Variants in NEDD4L observed in about 807,000 individuals in gnomAD.
The protein encoded by NEDD4L is E3 ubiquitin-protein ligase NEDD4-like.
NEDD4L carries 54 observed loss-of-function variants against 148.9 expected under a neutral mutation model. The ratio of observed to expected loss-of-function variants is 0.36; its 90% confidence interval spans 0.29 to 0.45. The LOEUF is 0.45. Among genes scored for constraint, NEDD4L ranks in the 20% least tolerant of loss-of-function variants. The pLI, the probability that NEDD4L is intolerant of heterozygous loss-of-function variation, is 1.00. For missense variants in NEDD4L, 856 were observed against 1,233.8 expected, an observed-to-expected ratio of 0.69 and a Z score of 4.59; for synonymous variants, 433 against 440.7, an observed-to-expected ratio of 0.98 and a Z score of 0.22.
intron 20 of NEDD4L, among the ~76,000 whole-genome samples, chr18:58,365,397 C>A (rs905819099): frequency 6.6e-6 from 1 of 152,194 alleles, no homozygotes; most frequent in African/African-American, 2.4e-5. Context: ...CCAGACCAAG[C>A]CTGGACCGCC....
intron 1 of NEDD4L, among the ~76,000 whole-genome samples, chr18:58,095,962 G>A (rs890515574): frequency 6.6e-6 from 1 of 151,928 alleles, no homozygotes; most frequent in African/African-American, 2.4e-5. Flanking sequence ...ATTGGTGTTA[G>A]TGTATTTTAT....
At chr18:58,238,775 A>T (rs945770364) in intron 2 of NEDD4L, among the ~76,000 whole-genome samples, 1 of 152,312 alleles carries the variant, frequency 6.6e-6, no homozygotes, top group Non-Finnish European at 1.5e-5. Flanking sequence ...TACTTCTGCC[A>T]TGTTGTTTCC....
chr18:58,197,586 A>G (rs1414893298), intron 2 of NEDD4L, among the ~76,000 whole-genome samples: 1 of 152,138 alleles, frequency 6.6e-6, no homozygotes, highest in Non-Finnish European at 1.5e-5. Context: ...CTGGTTAATG[A>G]TCTTTAATGT....
chr18:58,148,677 C>T (rs749968652), intron 1 of NEDD4L, among the ~76,000 whole-genome samples: 3 of 152,310 alleles, frequency 2.0e-5, no homozygotes, highest in Non-Finnish European at 4.4e-5. Context: ...AGGGCCCACC[C>T]GTGTGACCTC....
At chr18:58,095,435 T>A (rs2084332455) in intron 1 of NEDD4L, among the ~76,000 whole-genome samples, 1 of 149,484 alleles carries the variant, frequency 6.7e-6, no homozygotes, top group Admixed American at 6.7e-5. Flanking sequence ...CTGCTTAAAG[T>A]CGTTGCTCCC....
chr18:58,136,334 T>G (rs1027329832), intron 1 of NEDD4L, among the ~76,000 whole-genome samples: 1 of 152,208 alleles, frequency 6.6e-6, no homozygotes, highest in African/African-American at 2.4e-5. Flanking sequence ...TAGCTACTGA[T>G]AAAGTGTTTT....
At chr18:58,116,841 C>G (rs939421194) in intron 1 of NEDD4L, among the ~76,000 whole-genome samples, 1 of 152,244 alleles carries the variant, frequency 6.6e-6, no homozygotes, top group Non-Finnish European at 1.5e-5. Context: ...TTGGACTGAT[C>G]TCCTTGTGAA....
chr18:58,255,501 G>C (rs2048405505), intron 5 of NEDD4L: 1 of 1,230,714 alleles, frequency 8.1e-7, no homozygotes, highest in African/African-American at 1.6e-5. Flanking sequence ...TCTGCTATCT[G>C]TCGCTCCCGG....
At position 58,355,178 on chromosome 18, in the gene NEDD4L, G is replaced by T. The variant is rs569741883; in HGVS notation, c.1709-2016G>T. On this transcript the variant is annotated intron_variant, in intron 18 of 30. Coordinates refer to ENST00000400345, the MANE Select transcript of NEDD4L (RefSeq NM_001144967.3). ...AGATGTCTTGAACTGGGGTTGGGGG[G>T]TGAGACAATTCCCAGTGACGCCCAG... Among the ~76,000 whole-genome samples the T allele has an allele frequency of 1.3e-4, 20 of 152,280 alleles. No individual in the cohort carries two copies. The East Asian group carries it at 3.7e-3, about 28-fold the overall frequency.
chr18:58,324,611 C>A (rs112032588), intron 8 of NEDD4L, among the ~76,000 whole-genome samples: 1 of 152,206 alleles, frequency 6.6e-6, no homozygotes, highest in Non-Finnish European at 1.5e-5. Flanking sequence ...TGTACTGTGA[C>A]GCACATCATT....
At chr18:58,261,210 A>T (rs570359045) in intron 5 of NEDD4L, among the ~76,000 whole-genome samples, 1 of 152,236 alleles carries the variant, frequency 6.6e-6, no homozygotes, top group Non-Finnish European at 1.5e-5. Flanking sequence ...ACAGTCTTGG[A>T]AAAGAATTGC....
At chr18:58,350,921 G>T (rs1447866977) in intron 17 of NEDD4L, 70 bp from the exon 18 acceptor site, 1 of 1,226,658 alleles carries the variant, frequency 8.2e-7, no homozygotes, top group East Asian at 2.5e-5. Context: ...GTTTTTAAAT[G>T]TTGCCTTTGA....
intron 1 of NEDD4L, chr18:58,090,682 T>G (rs1304208506): frequency 1.3e-5 from 2 of 152,192 alleles, no homozygotes; most frequent in Non-Finnish European, 2.9e-5. Flanking sequence ...TTCGCCATGT[T>G]GGCCAGACTG....
intron 16 of NEDD4L, among the ~76,000 whole-genome samples, chr18:58,347,221 C>CCCCA (rs2043206664): frequency 1.1e-5 from 1 of 94,256 alleles, no homozygotes; most frequent in Non-Finnish European, 2.2e-5. Context: ...CCCGCCCCCC[C>CCCCA]CCCCCCTTTA....
intron 5 of NEDD4L, among the ~76,000 whole-genome samples, chr18:58,279,525 G>A (rs2052676250): frequency 6.6e-6 from 1 of 152,160 alleles, no homozygotes; most frequent in African/African-American, 2.4e-5. Context: ...TTAGAAATTC[G>A]GTACACGATT....
Position 58,366,460 on chromosome 18 carries a change from A to T in NEDD4L, c.2063+232A>T. ...ATTTTTTTTCTTGTCTATTGGGTTC[A>T]TGGAGTTGAAATTGAAAACGTGGAT... On this transcript the variant is annotated intron_variant, in intron 21 of 30. Coordinates refer to ENST00000400345, the MANE Select transcript of NEDD4L (RefSeq NM_001144967.3). The surrounding 1 kb of genome is among the most constrained non-coding windows in gnomAD (Gnocchi z 4.2). 2.6e-6 allele frequency: 1 copy of T among 381,622 alleles called. No individual in the cohort carries two copies. Among genetic ancestry groups the T allele is most frequent in the Non-Finnish European group, 4.7e-6 (1 of 214,966 alleles). 23.6% of individuals were successfully genotyped at this position (381,622 alleles called of 1,614,324 possible).
intron 5 of NEDD4L, among the ~76,000 whole-genome samples, chr18:58,263,795 CA>C (rs1261842699): frequency 6.6e-6 from 1 of 151,578 alleles, no homozygotes; most frequent in Non-Finnish European, 1.5e-5. Flanking sequence ...GTGGAACCAG[CA>C]ATACTGAAAT....
intron 1 of NEDD4L, among the ~76,000 whole-genome samples, chr18:58,119,827 G>C (rs1444119324): frequency 6.6e-6 from 1 of 152,206 alleles, no homozygotes; most frequent in Non-Finnish European, 1.5e-5. Context: ...TGACTTCATT[G>C]GTCGGGGGCT....
chr18:58,097,159 C>G (rs1407885993), intron 1 of NEDD4L, among the ~76,000 whole-genome samples: 1 of 152,160 alleles, frequency 6.6e-6, no homozygotes, highest in Non-Finnish European at 1.5e-5. Flanking sequence ...ACTTATGACA[C>G]AGCCCTCCAG....
Sources: allele counts gnomAD v4.1 joint callset (sites outside exome capture counted in the v4.1 genomes callset), GRCh38; gene constraint gnomAD v4.1.1; non-coding constraint Gnocchi (gnomAD v3.1); transcripts MANE v1.5; gene names NCBI Gene and HGNC (gene_info 2026-07-23, HGNC 2026-07-21).